Variants in MYO18B observed in about 807,000 individuals in gnomAD.
MYO18B encodes the protein unconventional myosin-XVIIIb.
Under a neutral mutation model 273.0 loss-of-function variants are expected in MYO18B, and 204 were observed. The observed-to-expected ratio is 0.75, with a 90% CI of 0.67 to 0.84. MYO18B has a LOEUF of 0.84. Ranked by LOEUF, MYO18B falls within the 40% of genes least tolerant of loss-of-function variation. The pLI is 0.00. For missense variants in MYO18B, 3,212 were observed against 3,287.6 expected (o/e 0.98, Z 0.56); for synonymous variants, 1,330 against 1,305.7 (o/e 1.02, Z -0.40).
intron 11 of MYO18B, among the ~76,000 whole-genome samples, chr22:25,786,223 G>A (rs2087381567): frequency 6.6e-6 from 1 of 152,180 alleles, no homozygotes; most frequent in Non-Finnish European, 1.5e-5. Context: ...TTTAGCAGGA[G>A]ACACAGACTT....
intron 34 of MYO18B, among the ~76,000 whole-genome samples, chr22:25,927,242 C>A (rs2092434350): frequency 6.6e-6 from 1 of 152,196 alleles, no homozygotes; most frequent in South Asian, 2.1e-4. Context: ...CGGAACAGAG[C>A]CATATTTCTC....
chr22:26,043,144 G>A, the MYO18B span, among the ~76,000 whole-genome samples: 1 of 152,132 alleles, frequency 6.6e-6, no homozygotes, highest in African/African-American at 2.4e-5. Flanking sequence ...CATACAAATG[G>A]GATCATGCAA....
Position 25,870,547 on chromosome 22 carries a change from C to T in MYO18B, c.3951+2162C>T, listed in dbSNP as rs566536456. Among the ~76,000 whole-genome samples, 67 of 152,254 alleles carry T rather than the reference C, an allele frequency of 4.4e-4. 3 individuals carry two copies. The South Asian group carries it at 0.011, about 25-fold the overall frequency. On this transcript the variant is annotated intron_variant, in intron 22 of 43. Coordinates refer to ENST00000335473, the MANE Select transcript of MYO18B (RefSeq NM_032608.7). Reference sequence around the variant, plus strand: ...CTGTTGTGTATGCGTCTATTGTTGACGGAAATGTCATTAGGCGGTGCATGA... The same window carrying T: ...CTGTTGTGTATGCGTCTATTGTTGATGGAAATGTCATTAGGCGGTGCATGA...
At chr22:26,010,398 T>A (rs1419629288) in intron 42 of MYO18B, among the ~76,000 whole-genome samples, 1 of 152,116 alleles carries the variant, frequency 6.6e-6, no homozygotes, top group African/African-American at 2.4e-5. Context: ...CTCAGAGAGT[T>A]CAACAGGGCC....
At chr22:25,806,444 G>A (rs958749929) in intron 12 of MYO18B, among the ~76,000 whole-genome samples, 3 of 152,158 alleles carry the variant, frequency 2.0e-5, no homozygotes, top group African/African-American at 7.2e-5. Flanking sequence ...GTGGCAATGA[G>A]ACTGCATCCC....
Position 25,847,733 on chromosome 22 carries a change from G to A in MYO18B, c.3775+81G>A, listed in dbSNP as rs567575384. 15 of 1,084,580 alleles carry A rather than the reference G, an allele frequency of 1.4e-5. No homozygotes were observed. In the East Asian group the frequency reaches 2.9e-4, roughly 21 times the overall value. The allele number at this position is 1,084,580 out of a possible 1,614,324, so 67.2% of individuals were successfully genotyped here. ...CACCAGTGGCAGCCAAGGGATGGGA[G>A]CCCCTGCCATGTGCTAGGAGCTTCA... On this transcript the variant is annotated intron_variant, in intron 20 of 43. Transcript: ENST00000335473.
At chr22:25,778,631 C>T (rs2087010905) in intron 8 of MYO18B, among the ~76,000 whole-genome samples, 1 of 152,008 alleles carries the variant, frequency 6.6e-6, no homozygotes, top group African/African-American at 2.4e-5. Context: ...AGGTACACGC[C>T]ACCACCCTTG....
intron 38 of MYO18B, 151 bp from the exon 39 acceptor site, chr22:25,955,028 T>G: frequency 1.2e-6 from 1 of 864,488 alleles, no homozygotes; most frequent in African/African-American, 1.7e-5. Flanking sequence ...TGCATGTTGT[T>G]AATTCTTCAT....
chr22:25,993,222 G>A (rs1932897929), intron 40 of MYO18B, among the ~76,000 whole-genome samples: 1 of 152,100 alleles, frequency 6.6e-6, no homozygotes, highest in African/African-American at 2.4e-5. Context: ...CATGGGTCCA[G>A]GCTGTCCAAC....
intron 13 of MYO18B, among the ~76,000 whole-genome samples, chr22:25,825,292 G>T (rs1404803903): frequency 6.6e-6 from 1 of 152,202 alleles, no homozygotes; most frequent in African/African-American, 2.4e-5. Flanking sequence ...CCCAGGTTGG[G>T]GGTGGATTCA....
intron 39 of MYO18B, among the ~76,000 whole-genome samples, chr22:25,965,962 C>T (rs1161629694): frequency 6.6e-6 from 1 of 152,156 alleles, no homozygotes; most frequent in African/African-American, 2.4e-5. Context: ...CAAGTCTCAT[C>T]GCTCACTGAC....
intron 30 of MYO18B, 115 bp downstream of exon 30, chr22:25,902,851 G>A: frequency 3.3e-6 from 4 of 1,209,566 alleles, no homozygotes; most frequent in South Asian, 1.6e-5. Context: ...GGGTATCCTG[G>A]TCTGTCAAGC....
In MYO18B at chr22:25,947,776, A is replaced by G; in HGVS notation, c.5696A>G (p.Asp1899Gly). Reference protein sequence around the residue: ...KADLLKRIDEDQDDLNELMQK... With the variant: ...KADLLKRIDEGQDDLNELMQK... ...GACCTCCTGAAGCGCATCGATGAGG[A>G]CCAGGATGACCTGAATGAGCTGATG... The change falls in exon 36 of 44, where the codon GAC becomes GGC. Residue 1899 changes from aspartate to glycine, a missense_variant. Transcript: ENST00000335473. 1.2e-6 allele frequency: 2 copies of G among 1,613,878 alleles called. No homozygotes were observed. Among genetic ancestry groups the G allele is most frequent in the East Asian group, 2.2e-5 (1 of 44,874 alleles).
chr22:25,936,293 A>G (rs1261906319), intron 34 of MYO18B, among the ~76,000 whole-genome samples: 1 of 152,202 alleles, frequency 6.6e-6, no homozygotes, highest in Admixed American at 6.5e-5. Context: ...AAGCTTTTGA[A>G]GTCTGTTCAG....
intron 1 of MYO18B, among the ~76,000 whole-genome samples, chr22:25,748,658 C>G (rs2085851158): frequency 6.6e-6 from 1 of 152,192 alleles, no homozygotes; most frequent in African/African-American, 2.4e-5. Flanking sequence ...TCTTCTTCAT[C>G]TCACCACCCC....
At chr22:25,807,312 C>T (rs1307945774) in intron 12 of MYO18B, among the ~76,000 whole-genome samples, 1 of 152,252 alleles carries the variant, frequency 6.6e-6, no homozygotes, top group East Asian at 1.9e-4. Context: ...TCTAGAGTGA[C>T]ACAGATCTGG....
rs964408942 is a variant in MYO18B at position 25,768,569 on chromosome 22, C to A, written c.653C>A (p.Thr218Asn). 7 of 1,535,470 alleles carry A rather than the reference C, an allele frequency of 4.6e-6. No homozygotes were observed. In the African/African-American group the frequency reaches 8.3e-5, roughly 18 times the overall value. ...ILAPKAEKTR[T>N]GGLGDPGQGT... ...GCCCCGAAAGCTGAGAAGACCCGGACTGGGGGTCTTGGGGACCCAGGCCAA... is the reference window on the plus strand; with the variant it reads ...GCCCCGAAAGCTGAGAAGACCCGGAATGGGGGTCTTGGGGACCCAGGCCAA... The change falls in exon 4 of 44, where the codon ACT becomes AAT. Residue 218 changes from threonine (T) to asparagine (N), a missense_variant. Thr to Asn is a moderately conservative substitution (Grantham distance 65). Transcript: ENST00000335473.
chr22:25,957,084 T>C (rs570090793), intron 39 of MYO18B, among the ~76,000 whole-genome samples: 1 of 152,310 alleles, frequency 6.6e-6, no homozygotes, highest in African/African-American at 2.4e-5. Context: ...GATAACTTCC[T>C]CATTAACCAG....
intron 15 of MYO18B, among the ~76,000 whole-genome samples, chr22:25,830,088 TGAATAATATA>T (rs536903371): frequency 1.3e-5 from 2 of 152,112 alleles, no homozygotes; most frequent in Non-Finnish European, 2.9e-5. Context: ...GTTCACCAGT[TGAATAATATA>T]GAATAATAGG....
Sources: gnomAD v4.1 joint callset for allele counts (sites outside exome capture counted in the v4.1 genomes callset) on GRCh38, gnomAD v4.1.1 for gene constraint, MANE v1.5 for transcripts, NCBI Gene and HGNC (gene_info 2026-07-23, HGNC 2026-07-21) for gene names.